CARM1: variants seen among roughly 807,000 people sequenced by gnomAD.
The protein encoded by CARM1 is coactivator associated arginine methyltransferase 1, also known as histone-arginine methyltransferase CARM1.
Under a neutral mutation model 72.7 loss-of-function variants are expected in CARM1, and 14 were observed. The ratio of observed to expected loss-of-function variants is 0.19; its 90% CI spans 0.13 to 0.30. The LOEUF (loss-of-function observed/expected upper bound fraction) is 0.30. Ranked by LOEUF, CARM1 falls within the 10% of genes least tolerant of loss-of-function variation. The probability of loss-of-function intolerance (pLI) is 1.00; values close to 1 mark genes in which losing one functional copy is unlikely to be tolerated. For missense variants in CARM1, 432 were observed against 833.7 expected (o/e 0.52, Z 5.93); for synonymous variants, 333 against 345.5 (o/e 0.96, Z 0.40).
At position 10,919,937 on chromosome 19, in the gene CARM1, C is replaced by T; in HGVS notation, c.1167C>T (p.Phe389=). The change falls in exon 10 of 16, where the codon TTC becomes TTT. Residue 389 remains phenylalanine, a synonymous_variant. Transcript: ENST00000327064. The part of the protein sequence containing the change: ...LHSGLVHGLA[F]WFDVAFIGSI... ...CAGGGCTGGTCCACGGCCTGGCTTT[C>T]TGGTTTGACGTTGCTTTCATCGGCT... 6.2e-7 allele frequency: 1 copy of T among 1,614,166 alleles called. No homozygotes were observed. The highest frequency in any genetic ancestry group is 8.5e-7 in the Non-Finnish European group (1 of 1,180,016).
At chr19:10,891,677 C>T (rs369839595) in intron 1 of CARM1, among the ~76,000 whole-genome samples, 1 of 152,230 alleles carries the variant, frequency 6.6e-6, no homozygotes, top group East Asian at 1.9e-4. Flanking sequence ...CTTGCGTAGA[C>T]GCCGGCCCTC....
At position 10,912,639 on chromosome 19, in the gene CARM1, G is replaced by A. The variant is rs2074161075; in HGVS notation, c.669+345G>A. On this transcript the variant is annotated intron_variant, in intron 5 of 15. Transcript: ENST00000327064. This position sits in a 1 kb window ranked among gnomAD's most constrained non-coding sequence, Gnocchi z 4.5. ...TCCCACCCCCAGCCCCATCATGAGA[G>A]AGGAGCTACGGCCACAAAGTCTGAG... Among the ~76,000 whole-genome samples, 1 of 151,610 alleles carries A rather than the reference G, an allele frequency of 6.6e-6. No homozygotes were observed. The highest frequency in any genetic ancestry group is 2.4e-5 in the African/African-American group (1 of 41,270).
In CARM1 at chr19:10,899,383, C is replaced by G. The variant is rs533578794; in HGVS notation, c.221-5568C>G. On this transcript the variant is annotated intron_variant, in intron 1 of 15. Coordinates refer to ENST00000327064, the MANE Select transcript of CARM1 (RefSeq NM_199141.2). ...TGTCGCCCAGGTGTGGCTAACAGAT[C>G]GACAGTATCTCCTGCCCCAGGACGG... 2.6e-5 allele frequency among the ~76,000 whole-genome samples: 4 copies of G among 152,332 alleles called. No individual in the cohort carries two copies. In the East Asian group the frequency reaches 7.7e-4, roughly 29 times the overall value.
Position 10,914,032 on chromosome 19 carries a change from C to T in CARM1, c.825C>T (p.Ala275=). 1 of 1,613,142 alleles carries T rather than the reference C, an allele frequency of 6.2e-7. No individual in the cohort carries two copies. The highest frequency in any genetic ancestry group is 8.5e-7 in the Non-Finnish European group (1 of 1,179,804). The change falls in exon 6 of 16, where the codon GCC becomes GCT. Residue 275 remains alanine (A), a synonymous_variant. Coordinates refer to ENST00000327064, the MANE Select transcript of CARM1 (RefSeq NM_199141.2). ...GCATGCTGGAGAGCTACCTCCACGC[C>T]AAGAAGTACCTGAAGCCCAGCGGTG... ...NERMLESYLH[A]KKYLKPSGNM... is the part of the protein sequence containing the mutation.
Position 10,871,592 on chromosome 19 carries a change from G to GGCA in CARM1, c.-109_-108insAGC, listed in dbSNP as rs1568342691. 2 of 50,982 alleles carry GGCA rather than the reference G, an allele frequency of 3.9e-5. No individual in the cohort carries two copies. The highest frequency in any genetic ancestry group is 1.3e-4 in the African/African-American group (2 of 15,148). The allele number at this position is 50,982 out of a possible 1,614,324, so 3.2% of individuals were successfully genotyped here. On this transcript the variant is annotated 5_prime_UTR_variant, in exon 1 of 16. Coordinates refer to ENST00000327064, the MANE Select transcript of CARM1 (RefSeq NM_199141.2). The surrounding 1 kb of genome is among the most constrained non-coding windows in gnomAD (Gnocchi z 5.6). ...CGGCTGCGGCGGCGGTAGCGGCAGC[G>GGCA]GCGGCGGCGGCGGCGGCGGCGGCGG...
At chr19:10,874,131 T>TAG (rs1302221281) in intron 1 of CARM1, among the ~76,000 whole-genome samples, 1 of 152,172 alleles carries the variant, frequency 6.6e-6, no homozygotes, top group East Asian at 1.9e-4. Context: ...TTTTTATTAT[T>TAG]AGAGACAAGG....
intron 1 of CARM1, among the ~76,000 whole-genome samples, chr19:10,891,518 A>G (rs141997849): frequency 2.4e-4 from 37 of 152,226 alleles, no homozygotes; most frequent in Non-Finnish European, 3.8e-4. Context: ...AAGCTGAGGA[A>G]AGCAGGGCTG....
At position 10,908,154 on chromosome 19, in the gene CARM1, T is replaced by C. The variant is rs756072031; in HGVS notation, c.453+9T>C. 6.3e-7 allele frequency: 1 copy of C among 1,595,316 alleles called. No individual in the cohort carries two copies. The highest frequency in any genetic ancestry group is 8.6e-7 in the Non-Finnish European group (1 of 1,163,044). On this transcript the variant is annotated intron_variant, in intron 3 of 15. Coordinates refer to ENST00000327064, the MANE Select transcript of CARM1 (RefSeq NM_199141.2). ...CCGTGCAGTACTTCCAGGTGGGTTG[T>C]ACTCCCCCTCAGCCAGGCCGCCTCC...
rs759846207 is a variant in CARM1 at position 10,894,342 on chromosome 19, C to G, written c.221-10609C>G. 2.0e-5 allele frequency among the ~76,000 whole-genome samples: 3 copies of G among 152,172 alleles called. 1 individual carries two copies. The highest frequency in any genetic ancestry group is 2.9e-5 in the Non-Finnish European group (2 of 68,030). The stretch of plus-strand genomic sequence containing the variant: ...GGGCAGAGCAGGCTGAGCAGAGATG[C>G]CAGCTGAGTGGGCTTCAGAAAGCGT... On this transcript the variant is annotated intron_variant, in intron 1 of 15. Transcript: ENST00000327064.
intron 2 of CARM1, 42 bp downstream of exon 2, chr19:10,905,118 C>A (rs762557629): frequency 4.4e-6 from 7 of 1,603,474 alleles, no homozygotes; most frequent in Non-Finnish European, 6.0e-6. Flanking sequence ...CAGCCCAAAG[C>A]GCCCAGAGCC....
At chr19:10,904,790 G>A (rs2074090703) in intron 1 of CARM1, among the ~76,000 whole-genome samples, 161 bp from the exon 2 acceptor site, 1 of 152,204 alleles carries the variant, frequency 6.6e-6, no homozygotes, top group African/African-American at 2.4e-5. Context: ...TGTGGGCTGG[G>A]CAGTCAGGGC....
At chr19:10,905,316 C>A (rs2074094814) in intron 2 of CARM1, among the ~76,000 whole-genome samples, 1 of 152,254 alleles carries the variant, frequency 6.6e-6, no homozygotes, top group African/African-American at 2.4e-5. Context: ...CTTCTATGTC[C>A]CCACCTCCAA....
At chr19:10,909,043 AGGGCCTTGGCTGCCTC>A in intron 3 of CARM1, 44 bp from the exon 4 acceptor site, 1 of 1,321,562 alleles carries the variant, frequency 7.6e-7, no homozygotes, top group South Asian at 1.2e-5. Flanking sequence ...AGGGCTGGCC[AGGGCCTTGGCTGCCTC>A]GTGCCACCAT....
rs554522696 is a variant in CARM1, at chr19:10,907,256, CTT to C, written c.347-782_347-781del. 1.8e-4 allele frequency among the ~76,000 whole-genome samples: 27 copies of C among 151,576 alleles called. No individual in the cohort carries two copies. In the South Asian group the frequency reaches 5.4e-3, roughly 30 times the overall value. ...CTTGCTATGTTGCCCAGGCTGGCCT[CTT>C]AAACTGGGCTCAAGCAGTCCACCCG... On this transcript the variant is annotated intron_variant, in intron 2 of 15. Transcript: ENST00000327064.
chr19:10,909,424 C>T (rs751722720), intron 4 of CARM1, among the ~76,000 whole-genome samples: 1 of 151,688 alleles, frequency 6.6e-6, no homozygotes, highest in East Asian at 1.9e-4. Flanking sequence ...GAGCGAGACT[C>T]TTGTCTCTTA....
Position 10,914,023 on chromosome 19 carries a change from C to T in CARM1, c.816C>T (p.Tyr272=). ...TCAACGAGCGCATGCTGGAGAGCTA[C>T]CTCCACGCCAAGAAGTACCTGAAGC... ...MLFNERMLES[Y]LHAKKYLKPS... is the part of the protein sequence containing the mutation. The change falls in exon 6 of 16, where the codon TAC becomes TAT. Residue 272 remains tyrosine, a synonymous_variant. Transcript: ENST00000327064. 5 of 1,613,340 alleles carry T rather than the reference C, an allele frequency of 3.1e-6. No individual in the cohort carries two copies. The highest frequency in any genetic ancestry group is 4.2e-6 in the Non-Finnish European group (5 of 1,179,864).
At chr19:10,907,576 G>A (rs1472505807) in intron 2 of CARM1, among the ~76,000 whole-genome samples, 3 of 152,314 alleles carry the variant, frequency 2.0e-5, no homozygotes, top group African/African-American at 4.8e-5. Context: ...ATGAGCCACT[G>A]CACCTGGCCT....
chr19:10,883,294 G>A (rs1014182041), intron 1 of CARM1, among the ~76,000 whole-genome samples: 8 of 152,154 alleles, frequency 5.3e-5, no homozygotes, highest in Non-Finnish European at 1.0e-4. Context: ...TTGTCCAGGT[G>A]TGGGGGTAGG....
chr19:10,916,336 CT>C lies in CARM1; in HGVS notation c.848-68del. On this transcript the variant is annotated intron_variant, in intron 6 of 15. Transcript: ENST00000327064. The surrounding 1 kb of genome is among the most constrained non-coding windows in gnomAD (Gnocchi z 4.4). ...ACCCAGGGTTGGGGGTCTTGGGGTC[CT>C]TTGGAAGCTCTGCCAGGCAGTGTGG... 2 of 1,070,576 alleles carry C rather than the reference CT, an allele frequency of 1.9e-6. No individual in the cohort carries two copies. The highest frequency in any genetic ancestry group is 2.9e-6 in the Non-Finnish European group (2 of 696,052). 66.3% of individuals were successfully genotyped at this position (1,070,576 alleles called of 1,614,324 possible). A position where few individuals can be genotyped will look rare whatever the true frequency, so the allele number is the denominator to read the frequency against.
Sources: gnomAD v4.1 joint callset for allele counts (sites outside exome capture counted in the v4.1 genomes callset) on GRCh38, gnomAD v4.1.1 for gene constraint, Gnocchi (gnomAD v3.1) non-coding constraint, MANE v1.5 for transcripts, NCBI Gene and HGNC (gene_info 2026-07-23, HGNC 2026-07-21) for gene names.